The following ABCB1 variants were observed in gnomAD, a reference collection of about 807,000 sequenced individuals.
The protein encoded by ABCB1 is ATP-dependent translocase ABCB1.
ABCB1 carries 69 observed loss-of-function variants against 142.0 expected under a neutral mutation model. The observed-to-expected ratio is 0.49, with a 90% CI of 0.40 to 0.59. The LOEUF (loss-of-function observed/expected upper bound fraction) is 0.59, where lower values mean the gene tolerates loss of function less well. Ranked by LOEUF, ABCB1 falls within the 20% of genes least tolerant of loss-of-function variation. The probability of loss-of-function intolerance (pLI) is 0.00; values close to 1 mark genes in which losing one functional copy is unlikely to be tolerated. For synonymous variants in ABCB1, 532 were observed against 539.2 expected (o/e 0.99, Z 0.18); for missense variants, 1,326 against 1,554.7 (o/e 0.85, Z 2.47).
chr7:87,517,489 A>C (rs1034431470), intron 23 of ABCB1, among the ~76,000 whole-genome samples: 5 of 151,978 alleles, frequency 3.3e-5, no homozygotes, highest in African/African-American at 1.2e-4. Context: ...AATCCACTAC[A>C]GACACATGAG....
chr7:87,664,238 G>A (rs1029603410), intron 1 of ABCB1, among the ~76,000 whole-genome samples: 31 of 152,122 alleles, frequency 2.0e-4, no homozygotes, highest in Middle Eastern at 3.4e-3. Flanking sequence ...AGGCAGGAGG[G>A]TCACTTGAGG....
At chr7:87,566,324 T>C (rs1817780916) in intron 6 of ABCB1, 83 bp from the exon 7 acceptor site, 9 of 1,364,146 alleles carry the variant, frequency 6.6e-6, no homozygotes, top group Non-Finnish European at 9.4e-6. Context: ...GAGTGTAGGG[T>C]AGTTTATGGC....
At chr7:87,640,551 C>A (rs1229151592) in intron 1 of ABCB1, among the ~76,000 whole-genome samples, 1 of 151,996 alleles carries the variant, frequency 6.6e-6, no homozygotes, top group Non-Finnish European at 1.5e-5. Context: ...GGCTATGTTG[C>A]CCAGGGTGGT....
intron 4 of ABCB1, among the ~76,000 whole-genome samples, chr7:87,578,937 C>A (rs1045565800): frequency 6.6e-6 from 1 of 152,046 alleles, no homozygotes; most frequent in Non-Finnish European, 1.5e-5. Flanking sequence ...TCGTGATCCA[C>A]CTGCCTCGGC....
In ABCB1 at chr7:87,549,387, G is replaced by A. The variant is rs745614189; in HGVS notation, c.1686C>T (p.Asp562=). The change falls in exon 14 of 28, where the codon GAC becomes GAT. Residue 562 remains aspartate, a synonymous_variant. Coordinates refer to ENST00000622132, the MANE Select transcript of ABCB1 (RefSeq NM_001348946.2). Reference sequence around the variant, plus strand: ...CCTGAACCACTGCTTCGCTTTCTGTGTCCAAGGCTGACGTGGCCTCATCCA... The same window carrying A: ...CCTGAACCACTGCTTCGCTTTCTGTATCCAAGGCTGACGTGGCCTCATCCA... ...LLLDEATSAL[D]TESEAVVQVA... The A allele has an allele frequency of 1.2e-6, 2 of 1,614,130 alleles. No individual in the cohort carries two copies. The highest frequency in any genetic ancestry group is 1.7e-5 in the Admixed American group (1 of 60,020).
intron 25 of ABCB1, among the ~76,000 whole-genome samples, chr7:87,510,192 T>C (rs1191417311): frequency 1.3e-5 from 2 of 152,268 alleles, no homozygotes; most frequent in African/African-American, 4.8e-5. Flanking sequence ...ACTTCTGAGA[T>C]GTATCCTGAC....
intron 1 of ABCB1, among the ~76,000 whole-genome samples, chr7:87,655,541 A>G (rs1765294309): frequency 2.0e-5 from 3 of 152,194 alleles, no homozygotes. Flanking sequence ...AGTAGAGAGT[A>G]GAATGGTGGT....
rs373236080 is a variant in ABCB1, at chr7:87,595,672, C to T, written c.117+94G>A. 48 of 1,071,742 alleles carry T rather than the reference C, an allele frequency of 4.5e-5. No individual in the cohort carries two copies. In the African/African-American group the frequency reaches 5.1e-4, roughly 11 times the overall value. The allele number at this position is 1,071,742 out of a possible 1,614,324, so 66.4% of individuals were successfully genotyped here. On this transcript the variant is annotated intron_variant, in intron 3 of 27. Transcript: ENST00000622132. Reference sequence around the variant, plus strand: ...TGCATCTCCATTAACATACCCTATACGAAAATCTTACATCAGATGAAATAT... The same window carrying T: ...TGCATCTCCATTAACATACCCTATATGAAAATCTTACATCAGATGAAATAT...
At chr7:87,573,774 C>G (rs1010477582) in intron 4 of ABCB1, among the ~76,000 whole-genome samples, 1 of 152,116 alleles carries the variant, frequency 6.6e-6, no homozygotes, top group African/African-American at 2.4e-5. Flanking sequence ...CCTTTACCCC[C>G]ACACCTATCT....
At chr7:87,675,892 G>T (rs1390266429) in intron 1 of ABCB1, among the ~76,000 whole-genome samples, 1 of 152,064 alleles carries the variant, frequency 6.6e-6, no homozygotes, top group South Asian at 2.1e-4. Flanking sequence ...AGGCAACAAA[G>T]AAAAGATAAA....
chr7:87,530,758 A>G (rs753596212), intron 21 of ABCB1, among the ~76,000 whole-genome samples: 12 of 151,660 alleles, frequency 7.9e-5, no homozygotes, highest in East Asian at 1.9e-4. Context: ...ACTTTCCTCA[A>G]TAAAGGAATG....
intron 1 of ABCB1, among the ~76,000 whole-genome samples, chr7:87,682,595 A>G (rs1827035985): frequency 6.6e-6 from 1 of 152,238 alleles, no homozygotes; most frequent in African/African-American, 2.4e-5. Flanking sequence ...TGCATTGTCA[A>G]TGAGCAGTAA....
chr7:87,677,917 A>G (rs1006058080), intron 1 of ABCB1, among the ~76,000 whole-genome samples: 11 of 152,232 alleles, frequency 7.2e-5, no homozygotes, highest in African/African-American at 2.4e-4. Context: ...AAAGAAAAGC[A>G]CTGCTAACCC....
chr7:87,710,903 A>G (rs980759546), intron 1 of ABCB1, among the ~76,000 whole-genome samples: 3 of 152,216 alleles, frequency 2.0e-5, no homozygotes, highest in African/African-American at 2.4e-5. Flanking sequence ...TTTCTGATTC[A>G]TACTCTTTCA....
intron 4 of ABCB1, among the ~76,000 whole-genome samples, chr7:87,579,057 G>A (rs1818394855): frequency 6.6e-6 from 1 of 151,936 alleles, no homozygotes; most frequent in Admixed American, 6.5e-5. Context: ...GCTACTGATT[G>A]TTGTATGTTG....
At chr7:87,670,507 G>T (rs1825713600) in intron 1 of ABCB1, among the ~76,000 whole-genome samples, 1 of 152,164 alleles carries the variant, frequency 6.6e-6, no homozygotes, top group African/African-American at 2.4e-5. Context: ...AAAAACTCTT[G>T]TTGGGGAATG....
At chr7:87,638,948 C>A (rs574334296) in intron 1 of ABCB1, among the ~76,000 whole-genome samples, 2 of 151,852 alleles carry the variant, frequency 1.3e-5, no homozygotes, top group South Asian at 4.2e-4. Flanking sequence ...GTCAGGAGAT[C>A]GAGACTATCC....
rs758584976 is a variant in ABCB1, at chr7:87,506,026, T to A, written c.3507A>T (p.Val1169=). The part of the protein sequence containing the change: ...ESLPNKYSTK[V]GDKGTQLSGG... ...CAGAGAGCTGAGTTCCTTTGTCTCC[T>A]ACTTTAGTGCTATATTTCTGTAAAT... The change falls in exon 27 of 28, where the codon GTA becomes GTT. Residue 1169 remains valine (V), a synonymous_variant. Transcript: ENST00000622132. 7.4e-6 allele frequency: 12 copies of A among 1,613,964 alleles called. No individual in the cohort carries two copies. In the East Asian group the frequency reaches 2.5e-4, roughly 33 times the overall value.
At chr7:87,644,947 G>A (rs902722658) in intron 1 of ABCB1, among the ~76,000 whole-genome samples, 1 of 151,958 alleles carries the variant, frequency 6.6e-6, no homozygotes, top group Non-Finnish European at 1.5e-5. Flanking sequence ...AGGAATTAAT[G>A]TAATATGGAT....
Sources: allele counts gnomAD v4.1 joint callset (sites outside exome capture counted in the v4.1 genomes callset), GRCh38; gene constraint gnomAD v4.1.1; transcripts MANE v1.5; gene names NCBI Gene and HGNC (gene_info 2026-07-23, HGNC 2026-07-21).